DDX31: variants seen among roughly 807,000 people sequenced by gnomAD.
DDX31 encodes the protein DEAD-box helicase 31.
A neutral mutation model predicts 91.3 loss-of-function variants in DDX31; 70 were observed. The observed-to-expected ratio is 0.77, with a 90% CI of 0.63 to 0.94. The LOEUF (loss-of-function observed/expected upper bound fraction) is 0.94. DDX31 is among the 40% of genes least tolerant of loss of function. The pLI, the probability that DDX31 is intolerant of heterozygous loss-of-function variation, is 0.00. For synonymous variants in DDX31, 362 were observed against 350.6 expected (o/e 1.03, Z -0.36); for missense variants, 902 against 925.0 (o/e 0.98, Z 0.32).
At chr9:132,658,993 C>T (rs931403679) in intron 5 of DDX31, among the ~76,000 whole-genome samples, 3 of 152,196 alleles carry the variant, frequency 2.0e-5, no homozygotes, top group Non-Finnish European at 2.9e-5. Context: ...CAAGAGATAA[C>T]GATATGTCTC....
chr9:132,655,718 A>G (rs1471656529), intron 6 of DDX31, among the ~76,000 whole-genome samples: 2 of 152,242 alleles, frequency 1.3e-5, no homozygotes, highest in Admixed American at 1.3e-4. Flanking sequence ...AAGGCCCCTA[A>G]GCCAATGGTG....
chr9:132,612,309 C>T, intron 18 of DDX31, 54 bp from the exon 19 acceptor site: 1 of 1,606,474 alleles, frequency 6.2e-7, no homozygotes. Flanking sequence ...TCTCCAAGCT[C>T]CAAAGTGCCC....
chr9:132,629,456 C>A (rs1466566985), intron 16 of DDX31, among the ~76,000 whole-genome samples: 1 of 152,194 alleles, frequency 6.6e-6, no homozygotes, highest in Non-Finnish European at 1.5e-5. Flanking sequence ...GGATGGGAGA[C>A]GGGGCAGGTG....
chr9:132,643,024 A>G (rs978284613), intron 13 of DDX31, among the ~76,000 whole-genome samples: 38 of 152,138 alleles, frequency 2.5e-4, no homozygotes, highest in African/African-American at 9.2e-4. Flanking sequence ...AGGTTTTGCC[A>G]TGCTGCTCAG....
At chr9:132,638,948 G>A (rs531024780) in intron 14 of DDX31, among the ~76,000 whole-genome samples, 1 of 152,262 alleles carries the variant, frequency 6.6e-6, no homozygotes, top group African/African-American at 2.4e-5. Context: ...ACAGTATAAA[G>A]GGGGGAAAAT....
intron 13 of DDX31, among the ~76,000 whole-genome samples, chr9:132,644,492 G>A (rs1833693722): frequency 6.6e-6 from 1 of 152,170 alleles, no homozygotes; most frequent in Non-Finnish European, 1.5e-5. Context: ...GCAAGTGACA[G>A]CCAGGACAAG....
intron 7 of DDX31, among the ~76,000 whole-genome samples, chr9:132,652,071 T>C (rs746595592): frequency 6.6e-6 from 1 of 152,156 alleles, no homozygotes; most frequent in Non-Finnish European, 1.5e-5. Context: ...AGTAACATTT[T>C]TGGTAGCAGT....
intron 19 of DDX31, among the ~76,000 whole-genome samples, chr9:132,599,074 A>G (rs1032325880): frequency 6.6e-6 from 1 of 152,230 alleles, no homozygotes; most frequent in Admixed American, 6.5e-5. Flanking sequence ...AAAACATTGA[A>G]GCGAATACCA....
At chr9:132,635,455 CTTTTT>C (rs981082655) in intron 14 of DDX31, among the ~76,000 whole-genome samples, 288 of 104,706 alleles carry the variant, frequency 2.8e-3, no homozygotes, top group African/African-American at 9.0e-3. Flanking sequence ...ATGTACATAG[CTTTTT>C]TTTTTTTTTT....
At chr9:132,599,085 A>G (rs1282469783) in intron 19 of DDX31, among the ~76,000 whole-genome samples, 1 of 152,210 alleles carries the variant, frequency 6.6e-6, no homozygotes. Flanking sequence ...GCGAATACCA[A>G]TTACATGGGT....
chr9:132,649,109 T>C (rs777791293), intron 9 of DDX31, among the ~76,000 whole-genome samples: 53 of 151,724 alleles, frequency 3.5e-4, no homozygotes, highest in South Asian at 8.4e-4. Flanking sequence ...TTTAGCACAT[T>C]TTTTTTTTCT....
chr9:132,648,393 C>T (rs1833968256), intron 10 of DDX31, 39 bp downstream of exon 10: 2 of 1,609,208 alleles, frequency 1.2e-6, no homozygotes, highest in Non-Finnish European at 1.7e-6. Context: ...AGAAACAGCC[C>T]TTCTCTTCTA....
At chr9:132,635,698 C>T (rs1315084241) in intron 14 of DDX31, among the ~76,000 whole-genome samples, 1 of 151,756 alleles carries the variant, frequency 6.6e-6, no homozygotes, top group East Asian at 2.0e-4. Flanking sequence ...ATAATCCCAG[C>T]ACTTTGGGGG....
At position 132,594,646 on chromosome 9, in the gene DDX31, G is replaced by T; in HGVS notation, c.*220C>A. ...TCAATACAAGACACAGACCCCTTCCGTCGGGAGCTGGCTAGTCTCTACAGT... is the reference window on the plus strand; with the variant it reads ...TCAATACAAGACACAGACCCCTTCCTTCGGGAGCTGGCTAGTCTCTACAGT... On this transcript the variant is annotated 3_prime_UTR_variant, in exon 20 of 20. Coordinates refer to ENST00000372159, the MANE Select transcript of DDX31 (RefSeq NM_022779.9). 1.5e-6 allele frequency: 1 copy of T among 651,232 alleles called. No homozygotes were observed. Among genetic ancestry groups the T allele is most frequent in the Non-Finnish European group, 2.5e-6 (1 of 398,374 alleles). 40.3% of individuals were successfully genotyped at this position (651,232 alleles called of 1,614,324 possible).
At chr9:132,668,949 G>GAA (rs1835510140) in intron 1 of DDX31, among the ~76,000 whole-genome samples, 1 of 152,152 alleles carries the variant, frequency 6.6e-6, no homozygotes, top group South Asian at 2.1e-4. Context: ...CAGAAAGGTG[G>GAA]GACAACTCAA....
Position 132,669,900 on chromosome 9 carries a change from G to T in DDX31, c.35C>A (p.Pro12His), listed in dbSNP as rs1261702893. The T allele has an allele frequency of 6.3e-7, 1 of 1,597,294 alleles. No individual in the cohort carries two copies. The highest frequency in any genetic ancestry group is 1.3e-5 in the African/African-American group (1 of 74,830). ...AAADGSLFDN[P>H]RTFSRRPPAQ... is the part of the protein sequence containing the mutation. ...TGGGGGACGTCTGGAGAACGTCCTG[G>T]GGTTGTCGAAGAGCGAACCGTCGGC... Residue 12 changes from proline (P) to histidine (H), a missense_variant, in exon 1 of 20, where the codon CCC becomes CAC. By Grantham distance (77) the Pro-to-His change is moderately conservative (BLOSUM62 -2). Transcript: ENST00000372159.
At chr9:132,644,372 T>C (rs553886462) in intron 13 of DDX31, among the ~76,000 whole-genome samples, 1 of 152,342 alleles carries the variant, frequency 6.6e-6, no homozygotes, top group South Asian at 2.1e-4. Context: ...GAGGGCTTTG[T>C]CTGCATTAAC....
chr9:132,647,274 T>C (rs1013473416), intron 11 of DDX31, among the ~76,000 whole-genome samples: 12 of 152,054 alleles, frequency 7.9e-5, no homozygotes, highest in Non-Finnish European at 1.5e-4. Flanking sequence ...CTATAAACAC[T>C]CACCTATGGA....
At chr9:132,623,295 T>C (rs1832161061) in intron 17 of DDX31, among the ~76,000 whole-genome samples, 1 of 151,920 alleles carries the variant, frequency 6.6e-6, no homozygotes, top group Admixed American at 6.6e-5. Flanking sequence ...CAGTGGCTCA[T>C]GCCTGTAATC....
Sources: allele counts gnomAD v4.1 joint callset (sites outside exome capture counted in the v4.1 genomes callset), GRCh38; gene constraint gnomAD v4.1.1; transcripts MANE v1.5; gene names NCBI Gene and HGNC (gene_info 2026-07-23, HGNC 2026-07-21).